ARHGAP10: variants seen among roughly 807,000 people sequenced by gnomAD.
The protein encoded by ARHGAP10 is rho GTPase-activating protein 10.
In ARHGAP10, 87 loss-of-function variants were observed where a neutral mutation model predicts 108.6. The ratio of observed to expected loss-of-function variants is 0.80; its 90% CI spans 0.67 to 0.96. The LOEUF (loss-of-function observed/expected upper bound fraction) is 0.96. Among genes scored for constraint, ARHGAP10 ranks in the 40% least tolerant of loss-of-function variants. ARHGAP10 has a pLI of 0.00. For synonymous variants in ARHGAP10, 347 were observed against 341.1 expected, an observed-to-expected ratio of 1.02 and a Z score of -0.19; for missense variants, 939 against 954.5, an observed-to-expected ratio of 0.98 and a Z score of 0.21.
chr4:147,950,279 G>A (rs1166962613), intron 15 of ARHGAP10, among the ~76,000 whole-genome samples: 1 of 151,932 alleles, frequency 6.6e-6, no homozygotes, highest in South Asian at 2.1e-4. Context: ...CTAAATTTTG[G>A]TGATGCATCA....
chr4:147,913,751 A>C (rs1736848780), intron 13 of ARHGAP10, among the ~76,000 whole-genome samples: 1 of 152,200 alleles, frequency 6.6e-6, no homozygotes, highest in Non-Finnish European at 1.5e-5. Context: ...TCAGCCCATA[A>C]GAATCCTTAG....
chr4:147,986,692 G>A (rs1441668534), intron 18 of ARHGAP10, among the ~76,000 whole-genome samples: 1 of 152,122 alleles, frequency 6.6e-6, no homozygotes, highest in East Asian at 1.9e-4. Context: ...AATTCATATA[G>A]AATAAGAGTA....
intron 1 of ARHGAP10, among the ~76,000 whole-genome samples, chr4:147,733,719 A>C (rs142566097): frequency 6.6e-6 from 1 of 152,338 alleles, no homozygotes; most frequent in East Asian, 1.9e-4. Context: ...GCATTTAATG[A>C]ATAAGTTGAA....
At chr4:147,973,308 A>G (rs564256231) in intron 18 of ARHGAP10, among the ~76,000 whole-genome samples, 3 of 152,306 alleles carry the variant, frequency 2.0e-5, no homozygotes, top group South Asian at 4.1e-4. Context: ...TGTCTGAGGT[A>G]GGGAGTTCTT....
chr4:147,758,103 A>G (rs375851420), intron 1 of ARHGAP10, among the ~76,000 whole-genome samples: 3 of 152,176 alleles, frequency 2.0e-5, no homozygotes, highest in African/African-American at 7.2e-5. Flanking sequence ...TCCATACTGA[A>G]AATACAAAAA....
At chr4:148,039,368 A>ATTTTTTTTTTTTTTTTTTT (rs34876546) in intron 19 of ARHGAP10, among the ~76,000 whole-genome samples, 11 of 73,090 alleles carry the variant, frequency 1.5e-4, no homozygotes, top group East Asian at 4.4e-4. Flanking sequence ...TACTACTTCA[A>ATTTTTTTTTTTTTTTTTTT]TTTTTTTTTT....
chr4:147,768,333 C>T (rs765137558), intron 1 of ARHGAP10, among the ~76,000 whole-genome samples: 17 of 152,132 alleles, frequency 1.1e-4, no homozygotes, highest in Admixed American at 7.9e-4. Context: ...TACTTTATTA[C>T]GTTGTAAAAT....
intron 13 of ARHGAP10, among the ~76,000 whole-genome samples, chr4:147,930,352 A>G (rs541813000): frequency 1.3e-5 from 2 of 152,124 alleles, no homozygotes; most frequent in African/African-American, 2.4e-5. Flanking sequence ...TTAATCATCA[A>G]TATATTAATT....
intron 18 of ARHGAP10, among the ~76,000 whole-genome samples, chr4:147,999,566 C>T (rs1170936585): frequency 6.6e-6 from 1 of 152,226 alleles, no homozygotes; most frequent in African/African-American, 2.4e-5. Context: ...TAAAGGCTTG[C>T]CATTGTTCCT....
At chr4:147,858,979 C>T (rs748227867) in intron 5 of ARHGAP10, among the ~76,000 whole-genome samples, 1 of 152,146 alleles carries the variant, frequency 6.6e-6, no homozygotes, top group Non-Finnish European at 1.5e-5. Flanking sequence ...AGTGTGTCCA[C>T]TTCTCATGAC....
intron 16 of ARHGAP10, among the ~76,000 whole-genome samples, chr4:147,955,631 C>A (rs886191717): frequency 6.6e-6 from 1 of 152,036 alleles, no homozygotes; most frequent in Non-Finnish European, 1.5e-5. Flanking sequence ...ATTCTTGTCC[C>A]ATGAGACAAT....
intron 1 of ARHGAP10, among the ~76,000 whole-genome samples, chr4:147,769,391 C>T (rs1401673278): frequency 6.6e-6 from 1 of 152,158 alleles, no homozygotes; most frequent in Non-Finnish European, 1.5e-5. Flanking sequence ...ATTCTACAGG[C>T]ATCTAAGGTT....
chr4:147,969,551 A>G (rs971784882), intron 18 of ARHGAP10, among the ~76,000 whole-genome samples: 1 of 152,138 alleles, frequency 6.6e-6, no homozygotes, highest in African/African-American at 2.4e-5. Context: ...GGAAACCTTT[A>G]TGCAATTTAT....
At chr4:147,751,830 A>G (rs1297310482) in intron 1 of ARHGAP10, among the ~76,000 whole-genome samples, 3 of 149,148 alleles carry the variant, frequency 2.0e-5, no homozygotes, top group Non-Finnish European at 4.4e-5. Flanking sequence ...GCCCGAGGGT[A>G]CTCATCTAGG....
At chr4:147,798,761 CTCTCTCTCTCTCTCTCTCTCTATATATA>C (rs1267586730) in intron 1 of ARHGAP10, among the ~76,000 whole-genome samples, 128 of 30,800 alleles carry the variant, frequency 4.2e-3, no homozygotes, top group South Asian at 0.02. Context: ...CTCTCTCTCT[CTCTCTCTCTCTCTCTCTCTCTATATATA>C]TATATATATA....
chr4:147,857,642 AC>A lies in ARHGAP10; in HGVS notation c.475del (p.His159IlefsTer9). 6.7e-7 allele frequency: 1 copy of A among 1,488,144 alleles called. No homozygotes were observed. Among genetic ancestry groups the A allele is most frequent in the Non-Finnish European group, 8.9e-7 (1 of 1,120,294 alleles). The allele number at this position is 1,488,144 out of a possible 1,614,324, so 92.2% of individuals were successfully genotyped here. On this transcript the variant is annotated frameshift_variant, in exon 5 of 23. Transcript: ENST00000336498. LOFTEE classifies it high-confidence loss of function. ...ATTTATCAGCAAAAAAGAAAGACTC[AC>A]ATTTACAAGAGGTATAATTTTTTAT... Reference protein sequence around the residue: ...LNLSAKKKDSHLQEADIQVEQ... With the variant: ...LNLSAKKKDSXLQEADIQVEQ...
At chr4:147,849,191 A>G (rs1051033752) in intron 4 of ARHGAP10, among the ~76,000 whole-genome samples, 1 of 151,008 alleles carries the variant, frequency 6.6e-6, no homozygotes, top group South Asian at 2.1e-4. Context: ...AACTATGTAA[A>G]CATCTGTCCT....
chr4:147,812,081 C>T (rs1214639086), intron 1 of ARHGAP10, among the ~76,000 whole-genome samples: 1 of 152,084 alleles, frequency 6.6e-6, no homozygotes, highest in Admixed American at 6.6e-5. Context: ...GAGGCAACCT[C>T]CTGATGGGTG....
rs535265451 is a variant in ARHGAP10 at position 148,021,358 on chromosome 4, T to G, written c.1717-1905T>G. Among the ~76,000 whole-genome samples, 7 of 152,320 alleles carry G rather than the reference T, an allele frequency of 4.6e-5. No individual in the cohort carries two copies. In the South Asian group the frequency reaches 1.5e-3, roughly 32 times the overall value. ...TGCGCTGTTCCAGTCAGTATGATCCTGTAAGAGGGTCTGTTTGGAAGGTTT... is the reference window on the plus strand; with the variant it reads ...TGCGCTGTTCCAGTCAGTATGATCCGGTAAGAGGGTCTGTTTGGAAGGTTT... On this transcript the variant is annotated intron_variant, in intron 18 of 22. Transcript: ENST00000336498.
Sources: gnomAD v4.1 joint callset for allele counts (sites outside exome capture counted in the v4.1 genomes callset) on GRCh38, gnomAD v4.1.1 for gene constraint, MANE v1.5 for transcripts, NCBI Gene and HGNC (gene_info 2026-07-23, HGNC 2026-07-21) for gene names.